Variants in GOLGA1 observed in about 807,000 individuals in gnomAD.
GOLGA1 encodes the protein golgin subfamily A member 1.
A neutral mutation model predicts 119.7 loss-of-function variants in GOLGA1; 63 were observed. That is an observed-to-expected ratio of 0.53 (90% CI 0.43 to 0.65). The LOEUF is 0.65. Among genes scored for constraint, GOLGA1 ranks in the 30% least tolerant of loss-of-function variants. GOLGA1 has a pLI of 0.00. For synonymous variants in GOLGA1, 318 were observed against 333.4 expected, an observed-to-expected ratio of 0.95 and a Z score of 0.50; for missense variants, 798 against 912.8, an observed-to-expected ratio of 0.87 and a Z score of 1.62.
chr9:124,882,551 G>T lies in GOLGA1; in HGVS notation c.1924C>A (p.Gln642Lys). ...GTCTTCCGGAGCTCCAGCATCCGCT[G>T]CTGCATCTGCTTTATGGTCTGCGAC... ...EKNKTIKQMQ[Q>K]RMLELRKTLQ... The change falls in exon 20 of 23, where the codon CAG (glutamine) becomes AAG (lysine). Residue 642 changes from glutamine (Q) to lysine (K), a missense_variant. By Grantham distance (53) the Gln-to-Lys change is moderately conservative. Coordinates refer to ENST00000373555, the MANE Select transcript of GOLGA1 (RefSeq NM_002077.4). 1 of 1,612,356 alleles carries T rather than the reference G, an allele frequency of 6.2e-7. No individual in the cohort carries two copies.
At chr9:124,918,807 T>G (rs1489828804) in intron 10 of GOLGA1, among the ~76,000 whole-genome samples, 2 of 152,104 alleles carry the variant, frequency 1.3e-5, no homozygotes, top group Non-Finnish European at 2.9e-5. Flanking sequence ...ATTTTCCCCC[T>G]TCTTCCATGA....
chr9:124,921,586 G>A (rs1830569879), intron 9 of GOLGA1, 137 bp downstream of exon 9: 2 of 737,456 alleles, frequency 2.7e-6, no homozygotes, highest in Non-Finnish European at 2.3e-6. Context: ...GTCCTAGGCA[G>A]GTAAGGATGT....
chr9:124,921,779 G>A lies in GOLGA1; in HGVS notation c.675C>T (p.Asp225=). Residue 225 remains aspartate (D), a synonymous_variant, in exon 9 of 23, where the codon GAC becomes GAT. Coordinates refer to ENST00000373555, the MANE Select transcript of GOLGA1 (RefSeq NM_002077.4). ...GCAATTCTTCTAGCTTCTGGCTTAAGTCTGATGACATCTGATTGGAGTTCA... is the reference window on the plus strand; with the variant it reads ...GCAATTCTTCTAGCTTCTGGCTTAAATCTGATGACATCTGATTGGAGTTCA... The part of the protein sequence containing the change: ...ELMNSNQMSS[D]LSQKLEELQR... 6.2e-7 allele frequency: 1 copy of A among 1,613,702 alleles called. No homozygotes were observed. The highest frequency in any genetic ancestry group is 1.1e-5 in the South Asian group (1 of 91,082).
At position 124,880,543 on chromosome 9, in the gene GOLGA1, A is replaced by G. The variant is rs1829550771; in HGVS notation, c.2291T>C (p.Ile764Thr). 6.3e-7 allele frequency: 1 copy of G among 1,598,004 alleles called. No individual in the cohort carries two copies. Among genetic ancestry groups the G allele is most frequent in the African/African-American group, 1.3e-5 (1 of 74,600 alleles). Reference sequence around the variant, plus strand: ...GGGTAGTCCCCTCTAGGACCATGGTATCCGAGGGTTTGAGATAGACGGCCG... The same window carrying G: ...GGGTAGTCCCCTCTAGGACCATGGTGTCCGAGGGTTTGAGATAGACGGCCG... ...SIRPSISNPRIPWS is the reference protein window; with the variant it reads ...SIRPSISNPRTPWS Residue 764 changes from isoleucine to threonine, a missense_variant, in exon 23 of 23, where the codon ATA becomes ACA. Transcript: ENST00000373555.
At chr9:124,927,734 C>T (rs1830701051) in intron 6 of GOLGA1, among the ~76,000 whole-genome samples, 1 of 152,138 alleles carries the variant, frequency 6.6e-6, no homozygotes, top group Non-Finnish European at 1.5e-5. Flanking sequence ...TAGGATTTCC[C>T]CTCTGTCCTG....
intron 15 of GOLGA1, among the ~76,000 whole-genome samples, chr9:124,895,296 A>AGAACCCTCCACAACAGT (rs1399514191): frequency 2.7e-5 from 4 of 149,182 alleles, no homozygotes; most frequent in Non-Finnish European, 5.9e-5. Flanking sequence ...TCCACAACAG[A>AGAACCCTCCACAACAGT]GAACCCTCCA....
At chr9:124,882,001 G>A (rs948750179) in intron 20 of GOLGA1, 47 bp from the exon 21 acceptor site, 1 of 1,424,558 alleles carries the variant, frequency 7.0e-7, no homozygotes, top group South Asian at 1.3e-5. Context: ...TCTGAGACAG[G>A]TGGAAAAAAT....
At chr9:124,884,674 C>T (rs1047992791) in intron 19 of GOLGA1, among the ~76,000 whole-genome samples, 1 of 152,240 alleles carries the variant, frequency 6.6e-6, no homozygotes, top group African/African-American at 2.4e-5. Context: ...ACCTCCAACA[C>T]ACCCAATTTT....
In GOLGA1 at chr9:124,881,910, A is replaced by C; in HGVS notation, c.2010T>G (p.Pro670=). 1 of 1,611,536 alleles carries C rather than the reference A, an allele frequency of 6.2e-7. No individual in the cohort carries two copies. The highest frequency in any genetic ancestry group is 8.5e-7 in the Non-Finnish European group (1 of 1,178,752). Residue 670 remains proline (P), a synonymous_variant, in exon 21 of 23, where the codon CCT becomes CCG. Coordinates refer to ENST00000373555, the MANE Select transcript of GOLGA1 (RefSeq NM_002077.4). This position sits in a 1 kb window ranked among gnomAD's most constrained non-coding sequence, Gnocchi z 4.9. The part of the protein sequence containing the change: ...DNELFEVREK[P]GPEMANMAPS... ...GCGCCATGTTTGCCATCTCAGGTCC[A>C]GGTTTCTCCCGGACTTCGAAGAGCT...
In GOLGA1 at chr9:124,881,708, GC is replaced by G; in HGVS notation, c.2136+75del. On this transcript the variant is annotated intron_variant, in intron 21 of 22. Coordinates refer to ENST00000373555, the MANE Select transcript of GOLGA1 (RefSeq NM_002077.4). The surrounding 1 kb of genome is among the most constrained non-coding windows in gnomAD (Gnocchi z 4.9). Reference sequence around the variant, plus strand: ...ATGTACGAGGAAAAGAGAGAAAGGGGCTGGGCAGGGGTCCCTGCAGGACAGA... The same window carrying G: ...ATGTACGAGGAAAAGAGAGAAAGGGGTGGGCAGGGGTCCCTGCAGGACAGA... 1 of 943,722 alleles carries G rather than the reference GC, an allele frequency of 1.1e-6. No homozygotes were observed. Among genetic ancestry groups the G allele is most frequent in the African/African-American group, 1.7e-5 (1 of 60,598 alleles). The allele number at this position is 943,722 out of a possible 1,614,324, so 58.5% of individuals were successfully genotyped here. A position where few individuals can be genotyped will look rare whatever the true frequency, so the allele number is the denominator to read the frequency against.
intron 10 of GOLGA1, among the ~76,000 whole-genome samples, chr9:124,920,626 T>C (rs1175139469): frequency 6.6e-6 from 1 of 152,062 alleles, no homozygotes; most frequent in Non-Finnish European, 1.5e-5. Context: ...TCAAGGTCCA[T>C]TATGTGCTTA....
At chr9:124,938,315 T>G (rs1167162411) in intron 3 of GOLGA1, among the ~76,000 whole-genome samples, 1 of 151,982 alleles carries the variant, frequency 6.6e-6, no homozygotes, top group Non-Finnish European at 1.5e-5. Flanking sequence ...GTATAAGGTA[T>G]ATAGACGGAA....
At chr9:124,929,145 C>A in intron 5 of GOLGA1, 71 bp downstream of exon 5, 1 of 851,974 alleles carries the variant, frequency 1.2e-6, no homozygotes, top group Non-Finnish European at 2.0e-6. Context: ...ACAAACTTAA[C>A]CATACACTAT....
intron 12 of GOLGA1, among the ~76,000 whole-genome samples, chr9:124,903,078 G>C (rs1458604641): frequency 6.6e-6 from 1 of 152,064 alleles, no homozygotes; most frequent in Admixed American, 6.6e-5. Flanking sequence ...TTATTCCTAG[G>C]TATACACTGA....
At chr9:124,890,094 G>C (rs1564323463) in intron 16 of GOLGA1, among the ~76,000 whole-genome samples, 1 of 152,162 alleles carries the variant, frequency 6.6e-6, no homozygotes, top group African/African-American at 2.4e-5. Context: ...GGCAATGATA[G>C]GTCACCTCAC....
chr9:124,894,519 C>T (rs1305718194), intron 15 of GOLGA1, among the ~76,000 whole-genome samples: 3 of 152,122 alleles, frequency 2.0e-5, no homozygotes, highest in Non-Finnish European at 4.4e-5. Context: ...ACTATAGGCA[C>T]ACAGGCTTCC....
upstream of GOLGA1, among the ~76,000 whole-genome samples, chr9:124,941,485 C>G (rs115730250): frequency 9.2e-3 from 1,403 of 152,332 alleles, 25 homozygotes; most frequent in African/African-American, 0.031. Context: ...CGCCCGGTCC[C>G]GCCGCACCCT....
At chr9:124,947,787 C>T (rs1012369470) in intron 1 of GOLGA1, 2 of 152,150 alleles carry the variant, frequency 1.3e-5, no homozygotes, top group African/African-American at 4.8e-5. Context: ...TTTCCAAACA[C>T]ACACAGGAAC....
At chr9:124,900,994 T>TTC (rs1830091874) in intron 12 of GOLGA1, among the ~76,000 whole-genome samples, 1 of 146,166 alleles carries the variant, frequency 6.8e-6, no homozygotes, top group Admixed American at 6.9e-5. Context: ...TTTTTTGAGA[T>TTC]GGAGTCTTGC....
Sources: gnomAD v4.1 joint callset for allele counts (sites outside exome capture counted in the v4.1 genomes callset) on GRCh38, gnomAD v4.1.1 for gene constraint, Gnocchi (gnomAD v3.1) non-coding constraint, MANE v1.5 for transcripts, NCBI Gene and HGNC (gene_info 2026-07-23, HGNC 2026-07-21) for gene names.